The following PDCD1LG2 variants were observed in gnomAD, a reference collection of about 807,000 sequenced individuals.
PDCD1LG2 encodes B7 dendritic cell molecule.
In PDCD1LG2, 32 loss-of-function variants were observed where a neutral mutation model predicts 28.2. The ratio of observed to expected loss-of-function variants is 1.13; its 90% confidence interval spans 0.86 to 1.52. The LOEUF (loss-of-function observed/expected upper bound fraction) is 1.52, where lower values mean the gene tolerates loss of function less well. Ranked by LOEUF, PDCD1LG2 falls within the 40% of genes most tolerant of loss-of-function variation. PDCD1LG2 has a pLI of 0.00. For synonymous variants in PDCD1LG2, 116 were observed against 120.2 expected, an observed-to-expected ratio of 0.97 and a Z score of 0.23; for missense variants, 385 against 323.8, an observed-to-expected ratio of 1.19 and a Z score of -1.45.
intron 5 of PDCD1LG2, among the ~76,000 whole-genome samples, chr9:5,558,441 G>T (rs188200185): frequency 5.9e-5 from 9 of 152,138 alleles, no homozygotes; most frequent in African/African-American, 2.2e-4. Context: ...GGTGGAGCCT[G>T]CCCACAAAAC....
At chr9:5,567,770 G>C (rs1195360064) in intron 6 of PDCD1LG2, among the ~76,000 whole-genome samples, 1 of 152,156 alleles carries the variant, frequency 6.6e-6, no homozygotes, top group Non-Finnish European at 1.5e-5. Context: ...CTGTCAGTTA[G>C]GCCATGTGGG....
chr9:5,535,863 T>C (rs2129802229), intron 3 of PDCD1LG2, among the ~76,000 whole-genome samples: 1 of 152,334 alleles, frequency 6.6e-6, no homozygotes, highest in Non-Finnish European at 1.5e-5. Context: ...CACACTCTTG[T>C]TTGTTCTAGA....
intron 2 of PDCD1LG2, among the ~76,000 whole-genome samples, chr9:5,525,114 G>T (rs1047386969): frequency 6.6e-6 from 1 of 152,154 alleles, no homozygotes; most frequent in African/African-American, 2.4e-5. Context: ...ATGGGAGGCC[G>T]AGGCGGGTGG....
chr9:5,538,769 G>C (rs1379704183), intron 3 of PDCD1LG2, among the ~76,000 whole-genome samples: 1 of 151,818 alleles, frequency 6.6e-6, no homozygotes, highest in African/African-American at 2.4e-5. Context: ...AGATATAACA[G>C]CAGAAAAAAT....
intron 1 of PDCD1LG2, among the ~76,000 whole-genome samples, chr9:5,516,582 A>C (rs1378894870): frequency 2.0e-5 from 3 of 152,150 alleles, no homozygotes; most frequent in African/African-American, 7.2e-5. Context: ...TGCCATCAAC[A>C]TGCTGTCCAT....
chr9:5,562,697 A>G lies in PDCD1LG2; in HGVS notation c.767-465A>G, dbSNP rs1816589656. Among the ~76,000 whole-genome samples, 3 of 152,234 alleles carry G rather than the reference A, an allele frequency of 2.0e-5. No individual in the cohort carries two copies. The South Asian group carries it at 6.2e-4, about 32-fold the overall frequency. ...TCAAGGAAACTTACTGGTGAGCAGC[A>G]TCCCATTATGTGAACTTGTGCTTCT... is the stretch of plus-strand genomic sequence containing the variant. On this transcript the variant is annotated intron_variant, in intron 5 of 6. Transcript: ENST00000397747.
intron 5 of PDCD1LG2, 28 bp from the exon 6 acceptor site, chr9:5,563,134 T>C (rs1816598911): frequency 1.3e-6 from 2 of 1,563,622 alleles, no homozygotes; most frequent in African/African-American, 2.7e-5. Flanking sequence ...ATTAATCTTA[T>C]TCCATTTCTG....
At chr9:5,553,341 G>A (rs1400144146) in intron 4 of PDCD1LG2, among the ~76,000 whole-genome samples, 1 of 152,114 alleles carries the variant, frequency 6.6e-6, no homozygotes, top group Non-Finnish European at 1.5e-5. Flanking sequence ...CTCTAAAGAG[G>A]ATTAAATATG....
chr9:5,511,032 G>A (rs1198628312), intron 1 of PDCD1LG2, among the ~76,000 whole-genome samples: 1 of 152,178 alleles, frequency 6.6e-6, no homozygotes, highest in African/African-American at 2.4e-5. Flanking sequence ...TTTATAAGGT[G>A]AGATATTTTC....
At position 5,510,579 on chromosome 9, in the gene PDCD1LG2, C is replaced by T. The variant is rs932758567; in HGVS notation, c.-239C>T. ...AAGCTGAATGAACAACTTTTCTTCT[C>T]TTGAATATATCTTAACGCCAAATTT... On this transcript the variant is annotated 5_prime_UTR_variant, in exon 1 of 7. Coordinates refer to ENST00000397747, the MANE Select transcript of PDCD1LG2 (RefSeq NM_025239.4). 2 of 152,634 alleles carry T rather than the reference C, an allele frequency of 1.3e-5. No individual in the cohort carries two copies. Among genetic ancestry groups the T allele is most frequent in the African/African-American group, 4.8e-5 (2 of 41,452 alleles). The allele number at this position is 152,634 out of a possible 1,614,324, so 9.5% of individuals were successfully genotyped here.
At chr9:5,547,936 CA>C (rs1165268333) in intron 3 of PDCD1LG2, among the ~76,000 whole-genome samples, 6,692 of 60,930 alleles carry the variant, frequency 0.11, 383 homozygotes, top group African/African-American at 0.29. Context: ...AACTCTGTCT[CA>C]AAAAAAAAAA....
At chr9:5,538,621 G>T (rs1820629585) in intron 3 of PDCD1LG2, among the ~76,000 whole-genome samples, 1 of 151,880 alleles carries the variant, frequency 6.6e-6, no homozygotes, top group African/African-American at 2.4e-5. Context: ...CCGGGAGGCG[G>T]AGCTTGTAGT....
chr9:5,545,774 A>T (rs1816191549), intron 3 of PDCD1LG2, among the ~76,000 whole-genome samples: 1 of 152,218 alleles, frequency 6.6e-6, no homozygotes, highest in South Asian at 2.1e-4. Context: ...TTGACCTAAT[A>T]GACATATGAT....
At chr9:5,557,785 A>G in intron 5 of PDCD1LG2, 33 bp downstream of exon 5, 1 of 1,611,932 alleles carries the variant, frequency 6.2e-7, no homozygotes, top group South Asian at 1.1e-5. Flanking sequence ...AACCCAATGC[A>G]CTGGGTGTCT....
intron 5 of PDCD1LG2, among the ~76,000 whole-genome samples, chr9:5,562,164 A>C (rs566186464): frequency 6.6e-6 from 1 of 152,302 alleles, no homozygotes; most frequent in South Asian, 2.1e-4. Flanking sequence ...TCAGAGTGGG[A>C]GGGAATATGT....
At chr9:5,514,256 C>G (rs1297238098) in intron 1 of PDCD1LG2, among the ~76,000 whole-genome samples, 1 of 152,104 alleles carries the variant, frequency 6.6e-6, no homozygotes, top group African/African-American at 2.4e-5. Context: ...GAGCTTGGCA[C>G]ATAGTAAATA....
chr9:5,538,500 A>G (rs1416010693), intron 3 of PDCD1LG2, among the ~76,000 whole-genome samples: 2 of 151,982 alleles, frequency 1.3e-5, no homozygotes, highest in African/African-American at 4.8e-5. Context: ...CCTGGCTAAC[A>G]TGGTGAAACC....
intron 2 of PDCD1LG2, among the ~76,000 whole-genome samples, chr9:5,527,498 G>A (rs889935258): frequency 5.9e-5 from 9 of 152,114 alleles, no homozygotes; most frequent in Admixed American, 1.3e-4. Context: ...ATTTATACCT[G>A]TTTGCTGTTG....
rs545941949 is a variant in PDCD1LG2, at chr9:5,525,860, C to T, written c.55+3259C>T. 5.9e-5 allele frequency among the ~76,000 whole-genome samples: 9 copies of T among 151,762 alleles called. No individual in the cohort carries two copies. The South Asian group carries it at 1.3e-3, about 21-fold the overall frequency. The stretch of plus-strand genomic sequence containing the variant: ...TCAGGAGACCGAGACCAGCCTGGCC[C>T]GCATGGTGAAACCTCGTCTCTACAA... On this transcript the variant is annotated intron_variant, in intron 2 of 6. Transcript: ENST00000397747.
Sources: gnomAD v4.1 joint callset for allele counts (sites outside exome capture counted in the v4.1 genomes callset) on GRCh38, gnomAD v4.1.1 for gene constraint, MANE v1.5 for transcripts, NCBI Gene and HGNC (gene_info 2026-07-23, HGNC 2026-07-21) for gene names.